Variants in MGST1 observed in about 807,000 individuals in gnomAD.
MGST1 encodes the protein microsomal glutathione S-transferase 1, also known as glutathione S-transferase 12.
MGST1 carries 5 observed loss-of-function variants against 8.9 expected under a neutral mutation model. The observed-to-expected ratio is 0.56, with a 90% CI of 0.29 to 1.19. The LOEUF is 1.19. MGST1 is among the 50% of genes most tolerant of loss of function. The pLI is 0.08. For synonymous variants in MGST1, 54 were observed against 67.8 expected (o/e 0.80, Z 1.00); for missense variants, 182 against 187.4 (o/e 0.97, Z 0.17).
intron 4 of MGST1, among the ~76,000 whole-genome samples, chr12:16,518,276 T>C (rs1414273217): frequency 6.6e-6 from 1 of 152,142 alleles, no homozygotes; most frequent in Non-Finnish European, 1.5e-5. Context: ...CCTTGGAGCC[T>C]CTCCACTCAT....
At chr12:16,463,235 G>T (rs1941232777) in intron 4 of MGST1, among the ~76,000 whole-genome samples, 1 of 152,046 alleles carries the variant, frequency 6.6e-6, no homozygotes, top group Admixed American at 6.5e-5. Context: ...CTAGAGTGCA[G>T]TGGTGCTATC....
At chr12:16,521,842 T>A (rs529770906) in intron 4 of MGST1, among the ~76,000 whole-genome samples, 9 of 152,108 alleles carry the variant, frequency 5.9e-5, no homozygotes, top group Admixed American at 1.3e-4. Flanking sequence ...TAAATGCTCC[T>A]CTGCTTTTAA....
At position 16,400,611 on chromosome 12, in the gene MGST1, C is replaced by T. The variant is rs200674914; in HGVS notation, n.778+17007C>T. On this transcript the variant is annotated intron_variant and non_coding_transcript_variant, in intron 1 of 1. Coordinates refer to the MGST1 transcript ENST00000359720. The stretch of plus-strand genomic sequence containing the variant: ...CTGGTACTGTCTGTTCCCCGGTCAT[C>T]GTATGACGCTTGGTATGTAATTTCT... 515 of 1,177,414 alleles carry T rather than the reference C, an allele frequency of 4.4e-4. 8 individuals are homozygous for T. In the East Asian group the frequency reaches 0.011, roughly 25 times the overall value. 72.9% of individuals were successfully genotyped at this position (1,177,414 alleles called of 1,614,324 possible).
intron 4 of MGST1, among the ~76,000 whole-genome samples, chr12:16,524,291 A>T (rs1941667560): frequency 6.6e-6 from 1 of 152,118 alleles, no homozygotes; most frequent in African/African-American, 2.4e-5. Context: ...TTTATGAATC[A>T]CATTAAAATA....
rs1272961013 is a variant in MGST1, at chr12:16,589,527, G to A, written n.483-1G>A. 6.6e-6 allele frequency: 1 copy of A among 151,998 alleles called. No homozygotes were observed. Among genetic ancestry groups the A allele is most frequent in the Non-Finnish European group, 1.5e-5 (1 of 67,988 alleles). The allele number at this position is 151,998 out of a possible 1,614,324, so 9.4% of individuals were successfully genotyped here. ...CTCCTGAAAAATTATGTCTTTTTTA[G>A]GTTGCTGCAGAAGTCAAGAGCTAAC... On this transcript the variant is annotated splice_acceptor_variant and non_coding_transcript_variant, in intron 4 of 4. Coordinates refer to the MGST1 transcript ENST00000538857. The surrounding 1 kb of genome is among the most constrained non-coding windows in gnomAD (Gnocchi z 4.2).
intron 1 of MGST1, among the ~76,000 whole-genome samples, chr12:16,435,238 G>A (rs1314122760): frequency 6.6e-6 from 1 of 151,484 alleles, no homozygotes; most frequent in African/African-American, 2.4e-5. Context: ...TACAAACAAA[G>A]CATAATAAAA....
chr12:16,398,134 T>C (rs764917050), intron 1 of MGST1, among the ~76,000 whole-genome samples: 15 of 151,926 alleles, frequency 9.9e-5, no homozygotes, highest in Non-Finnish European at 1.6e-4. Flanking sequence ...TTTTAGTTCT[T>C]CCAAAATTGA....
At chr12:16,491,965 C>T (rs571344724) in intron 4 of MGST1, among the ~76,000 whole-genome samples, 2 of 152,256 alleles carry the variant, frequency 1.3e-5, no homozygotes, top group African/African-American at 2.4e-5. Context: ...ACTTTGTCTA[C>T]ATTGATGGCT....
chr12:16,530,153 C>A (rs1941713100), intron 4 of MGST1, among the ~76,000 whole-genome samples: 1 of 152,026 alleles, frequency 6.6e-6, no homozygotes, highest in Non-Finnish European at 1.5e-5. Flanking sequence ...AAAAAGAAAT[C>A]ATATAAAACG....
intron 1 of MGST1, among the ~76,000 whole-genome samples, chr12:16,383,825 A>G (rs557012965): frequency 1.3e-5 from 2 of 152,368 alleles, no homozygotes; most frequent in South Asian, 2.1e-4. Flanking sequence ...ATAATATAAC[A>G]TACTATTCTG....
At chr12:16,439,170 C>G (rs902811276), downstream of MGST1, among the ~76,000 whole-genome samples, 1 of 150,622 alleles carries the variant, frequency 6.6e-6, no homozygotes, top group Non-Finnish European at 1.5e-5. Flanking sequence ...TGCATAGAAC[C>G]CTGTCACAAA....
intron 1 of MGST1, among the ~76,000 whole-genome samples, chr12:16,433,548 A>G (rs557274545): frequency 6.6e-6 from 1 of 152,188 alleles, no homozygotes; most frequent in African/African-American, 2.4e-5. Context: ...TATTCAGAGG[A>G]GTATAAGCCT....
chr12:16,514,380 G>T, intron 4 of MGST1: 1 of 279,666 alleles, frequency 3.6e-6, no homozygotes, highest in Admixed American at 4.7e-5. Flanking sequence ...GAATGCTCCA[G>T]ATTTGTGAAA....
At position 16,419,100 on chromosome 12, in the gene MGST1, A is replaced by G. The variant is rs74063783; in HGVS notation, n.779-18288A>G. On this transcript the variant is annotated intron_variant and non_coding_transcript_variant, in intron 1 of 1. Coordinates refer to the MGST1 transcript ENST00000359720. Reference sequence around the variant, plus strand: ...TAAATTGGAGCCACTTCTCTTCAAGATCCTACCACTCATTTGATTGTGGTC... The same window carrying G: ...TAAATTGGAGCCACTTCTCTTCAAGGTCCTACCACTCATTTGATTGTGGTC... 1.7e-3 allele frequency among the ~76,000 whole-genome samples: 253 copies of G among 152,284 alleles called. 1 individual carries two copies. Among genetic ancestry groups the G allele is most frequent in the African/African-American group, 5.8e-3 (242 of 41,574 alleles).
At chr12:16,573,602 C>A (rs1942895780) in intron 4 of MGST1, 1 of 152,148 alleles carries the variant, frequency 6.6e-6, no homozygotes, top group South Asian at 2.1e-4. Flanking sequence ...TGCCAAGAAT[C>A]AATCCCATGA....
At position 16,513,296 on chromosome 12, in the gene MGST1, C is replaced by G. The variant is rs1234691842; in HGVS notation, n.483-76232C>G. 3 of 244,442 alleles carry G rather than the reference C, an allele frequency of 1.2e-5. No individual in the cohort carries two copies. Among genetic ancestry groups the G allele is most frequent in the Non-Finnish European group, 2.4e-5 (3 of 122,482 alleles). 15.1% of individuals were successfully genotyped at this position (244,442 alleles called of 1,614,324 possible). A position where few individuals can be genotyped will look rare whatever the true frequency, so the allele number is the denominator to read the frequency against. ...AGCTCTCCCTGCTTACTCTGATTCTCTCCACATTTCCCATTGAAAATTCCT... is the reference window on the plus strand; with the variant it reads ...AGCTCTCCCTGCTTACTCTGATTCTGTCCACATTTCCCATTGAAAATTCCT... On this transcript the variant is annotated intron_variant and non_coding_transcript_variant, in intron 4 of 4. Coordinates refer to the MGST1 transcript ENST00000538857. This position sits in a 1 kb window ranked among gnomAD's most constrained non-coding sequence, Gnocchi z 4.2.
chr12:16,387,843 C>CCG (rs1940518550), intron 1 of MGST1, among the ~76,000 whole-genome samples: 2 of 152,022 alleles, frequency 1.3e-5, no homozygotes, highest in African/African-American at 4.8e-5. Context: ...CTGTATTTCA[C>CCG]TGTACCTTTT....
At chr12:16,382,467 G>A (rs1019241790), upstream of MGST1, among the ~76,000 whole-genome samples, 1 of 152,152 alleles carries the variant, frequency 6.6e-6, no homozygotes, top group South Asian at 2.1e-4. Context: ...TTGGTGAACC[G>A]CAAATGCTGC....
In MGST1 at chr12:16,555,963, G is replaced by A. The variant is rs1467319833; in HGVS notation, n.483-33565G>A. On this transcript the variant is annotated intron_variant and non_coding_transcript_variant, in intron 4 of 4. Transcript: ENST00000538857. The surrounding 1 kb of genome is among the most constrained non-coding windows in gnomAD (Gnocchi z 5.5). ...AGAAGGATGGCTCTCTCTTCCCTCA[G>A]TATAGCTCTATTTAGCATCGATTAC... Among the ~76,000 whole-genome samples the A allele has an allele frequency of 6.6e-6, 1 of 151,962 alleles. No homozygotes were observed. The highest frequency in any genetic ancestry group is 1.5e-5 in the Non-Finnish European group (1 of 68,004).
Sources: allele counts gnomAD v4.1 joint callset (sites outside exome capture counted in the v4.1 genomes callset), GRCh38; gene constraint gnomAD v4.1.1; non-coding constraint Gnocchi (gnomAD v3.1); transcripts MANE v1.5; gene names NCBI Gene and HGNC (gene_info 2026-07-23, HGNC 2026-07-21).